The following ZRANB3 variants were observed in gnomAD, a reference collection of about 807,000 sequenced individuals.
ZRANB3 encodes zinc finger RANBP2-type containing 3, also known as DNA annealing helicase and endonuclease ZRANB3.
ZRANB3 carries 125 observed loss-of-function variants against 133.8 expected under a neutral mutation model. The ratio of observed to expected loss-of-function variants is 0.93; its 90% CI spans 0.81 to 1.08. The LOEUF (loss-of-function observed/expected upper bound fraction) is 1.08, where lower values mean the gene tolerates loss of function less well. Ranked by LOEUF, ZRANB3 falls within the 50% of genes least tolerant of loss-of-function variation. ZRANB3 has a pLI of 0.00. For missense variants in ZRANB3, 1,229 were observed against 1,275.5 expected, an observed-to-expected ratio of 0.96 and a Z score of 0.56; for synonymous variants, 387 against 432.7, an observed-to-expected ratio of 0.89 and a Z score of 1.31.
At position 135,208,742 on chromosome 2, in the gene ZRANB3, C is replaced by G; in HGVS notation, c.2606+126G>C. On this transcript the variant is annotated intron_variant, in intron 18 of 20. Coordinates refer to ENST00000264159, the MANE Select transcript of ZRANB3 (RefSeq NM_032143.4). ...GCTAGGACAACTGAAGAGCTACTATCTTGTGAAAGTTCTTTGTAACCTCTA... is the reference window on the plus strand; with the variant it reads ...GCTAGGACAACTGAAGAGCTACTATGTTGTGAAAGTTCTTTGTAACCTCTA... 5 of 728,824 alleles carry G rather than the reference C, an allele frequency of 6.9e-6. 1 individual carries two copies. The South Asian group carries it at 1.1e-4, about 16-fold the overall frequency. The allele number at this position is 728,824 out of a possible 1,614,324, so 45.1% of individuals were successfully genotyped here.
chr2:135,426,907 T>C (rs1272845780), intron 2 of ZRANB3, among the ~76,000 whole-genome samples: 2 of 87,488 alleles, frequency 2.3e-5, no homozygotes, highest in Admixed American at 1.5e-4. Context: ...TATATATATA[T>C]ATATGTGCAA....
At chr2:135,313,011 T>C (rs1047174102) in intron 8 of ZRANB3, among the ~76,000 whole-genome samples, 6 of 146,870 alleles carry the variant, frequency 4.1e-5, no homozygotes, top group Non-Finnish European at 7.5e-5. Context: ...AAGAGTAAGA[T>C]TCCGTCTTTA....
intron 2 of ZRANB3, among the ~76,000 whole-genome samples, chr2:135,408,001 G>A (rs2104949708): frequency 6.6e-6 from 1 of 151,874 alleles, no homozygotes; most frequent in South Asian, 2.1e-4. Context: ...AAGAGCTTCT[G>A]CACAGCAAAA....
chr2:135,207,458 C>A lies in ZRANB3; in HGVS notation c.2985G>T (p.Trp995Cys), dbSNP rs775946897. 7 of 1,612,444 alleles carry A rather than the reference C, an allele frequency of 4.3e-6. No individual in the cohort carries two copies. Among genetic ancestry groups the A allele is most frequent in the South Asian group, 3.3e-5 (3 of 90,760 alleles). Residue 995 changes from tryptophan to cysteine, a missense_variant, in exon 19 of 21, where the codon TGG (tryptophan) becomes TGT (cysteine). By Grantham distance (215) the Trp-to-Cys change is radical. Coordinates refer to ENST00000264159, the MANE Select transcript of ZRANB3 (RefSeq NM_032143.4). ...CCTGTTCTAATGGGAGCTTTGAAGT[C>A]CAGGTAGCATACAGAAGATTCTTCC... is the stretch of plus-strand genomic sequence containing the variant. ...SQRKNLLYATWTSKLPLEQLN... is the reference protein window; with the variant it reads ...SQRKNLLYATCTSKLPLEQLN...
At chr2:135,481,606 G>T (rs1174644085) in intron 2 of ZRANB3, among the ~76,000 whole-genome samples, 2 of 150,570 alleles carry the variant, frequency 1.3e-5, no homozygotes, top group Non-Finnish European at 3.0e-5. Context: ...CTGTGCAGAA[G>T]CTCTTTAGTT....
intron 8 of ZRANB3, among the ~76,000 whole-genome samples, chr2:135,300,715 C>A (rs1361962015): frequency 6.6e-6 from 1 of 152,124 alleles, no homozygotes; most frequent in Non-Finnish European, 1.5e-5. Context: ...ATGAATTATT[C>A]CTTTCCCAGT....
intron 8 of ZRANB3, among the ~76,000 whole-genome samples, chr2:135,308,865 T>A (rs1274472155): frequency 1.3e-5 from 2 of 152,016 alleles, no homozygotes; most frequent in African/African-American, 4.8e-5. Context: ...TTCTTCCCCT[T>A]CTCCGCCAAA....
intron 2 of ZRANB3, among the ~76,000 whole-genome samples, chr2:135,419,158 C>T (rs1688726874): frequency 1.3e-5 from 2 of 151,594 alleles, no homozygotes; most frequent in African/African-American, 2.4e-5. Flanking sequence ...AGGATGTTCT[C>T]GATCTCCTGA....
At chr2:135,333,767 G>A (rs1038934698) in intron 6 of ZRANB3, among the ~76,000 whole-genome samples, 2 of 152,170 alleles carry the variant, frequency 1.3e-5, no homozygotes, top group Non-Finnish European at 2.9e-5. Flanking sequence ...TGTATTGAAA[G>A]TCACTGAATT....
intron 17 of ZRANB3, among the ~76,000 whole-genome samples, chr2:135,213,482 C>T (rs912515828): frequency 4.6e-5 from 7 of 152,126 alleles, no homozygotes; most frequent in South Asian, 2.1e-4. Context: ...GAATGCTTCC[C>T]GATAGTATCT....
intron 12 of ZRANB3, among the ~76,000 whole-genome samples, chr2:135,234,858 C>T (rs1695214175): frequency 6.6e-6 from 1 of 152,070 alleles, no homozygotes; most frequent in Admixed American, 6.5e-5. Flanking sequence ...AATTGACACC[C>T]TAACATCACA....
chr2:135,211,762 C>A (rs892684133), intron 17 of ZRANB3, among the ~76,000 whole-genome samples: 1 of 152,022 alleles, frequency 6.6e-6, no homozygotes, highest in Non-Finnish European at 1.5e-5. Context: ...ATATATTTAA[C>A]CAGTCTCTCA....
intron 16 of ZRANB3, 137 bp from the exon 17 acceptor site, chr2:135,217,744 G>T: frequency 9.7e-7 from 1 of 1,030,704 alleles, no homozygotes; most frequent in East Asian, 2.7e-5. Flanking sequence ...ATAACCTAAG[G>T]CTTTCTTCAA....
intron 8 of ZRANB3, among the ~76,000 whole-genome samples, chr2:135,307,978 GTC>G (rs1682784509): frequency 6.6e-6 from 1 of 152,126 alleles, no homozygotes; most frequent in Non-Finnish European, 1.5e-5. Flanking sequence ...ATAGTAGGTT[GTC>G]TCTCTTTCCC....
At chr2:135,217,846 G>A (rs1037949369) in intron 16 of ZRANB3, among the ~76,000 whole-genome samples, 1 of 151,992 alleles carries the variant, frequency 6.6e-6, no homozygotes, top group Non-Finnish European at 1.5e-5. Flanking sequence ...GTCTTGCTCT[G>A]TTGTCCAGGC....
At chr2:135,338,598 A>C (rs1427941637) in intron 6 of ZRANB3, among the ~76,000 whole-genome samples, 5 of 152,244 alleles carry the variant, frequency 3.3e-5, no homozygotes, top group African/African-American at 1.2e-4. Context: ...CATTTTAAAA[A>C]ATACAAAAGA....
At chr2:135,469,533 T>C (rs1314165877) in intron 2 of ZRANB3, among the ~76,000 whole-genome samples, 2 of 152,182 alleles carry the variant, frequency 1.3e-5, no homozygotes, top group African/African-American at 2.4e-5. Context: ...TAATGTATAA[T>C]AGAATTAATT....
intron 1 of ZRANB3, among the ~76,000 whole-genome samples, chr2:135,529,197 A>T (rs958578836): frequency 6.6e-6 from 1 of 152,248 alleles, no homozygotes; most frequent in African/African-American, 2.4e-5. Flanking sequence ...TTTATCTGAG[A>T]AAGTCTCAGT....
intron 3 of ZRANB3, among the ~76,000 whole-genome samples, chr2:135,371,546 C>T (rs1207763913): frequency 2.0e-5 from 3 of 152,168 alleles, no homozygotes; most frequent in Non-Finnish European, 4.4e-5. Context: ...TGCAAAACAG[C>T]AGGAGCTCTC....
Sources: gnomAD v4.1 joint callset for allele counts (sites outside exome capture counted in the v4.1 genomes callset) on GRCh38, gnomAD v4.1.1 for gene constraint, MANE v1.5 for transcripts, NCBI Gene and HGNC (gene_info 2026-07-23, HGNC 2026-07-21) for gene names.